The following ST13 variants were observed in gnomAD, a reference collection of about 807,000 sequenced individuals.
The protein encoded by ST13 is hsc70-interacting protein.
Under a neutral mutation model 56.7 loss-of-function variants are expected in ST13, and 23 were observed. That is an observed-to-expected ratio of 0.41 (90% CI 0.29 to 0.57). ST13 has a LOEUF of 0.57. Ranked by LOEUF, ST13 falls within the 20% of genes least tolerant of loss-of-function variation. ST13 has a pLI of 0.36. For missense variants in ST13, 369 were observed against 459.9 expected, an observed-to-expected ratio of 0.80 and a Z score of 1.81; for synonymous variants, 132 against 142.4, an observed-to-expected ratio of 0.93 and a Z score of 0.52.
rs772841997 is a variant in ST13, at chr22:40,856,508, G to C, written c.33C>G (p.Ala11=). The C allele has an allele frequency of 5.6e-6, 9 of 1,613,110 alleles. No homozygotes were observed. Among genetic ancestry groups the C allele is most frequent in the South Asian group, 4.4e-5 (4 of 91,048 alleles). The change falls in exon 1 of 12, where the codon GCC becomes GCG. Residue 11 remains alanine, a synonymous_variant. Coordinates refer to ENST00000216218, the MANE Select transcript of ST13 (RefSeq NM_003932.5). MDPRKVNELR[A]FVKMCKQDPS... is the part of the protein sequence containing the mutation. ...GATCCTGCTTACACATTTTCACAAA[G>C]GCCCGAAGCTCGTTCACTTTGCGGG...
chr22:40,828,034 T>C (rs186293621), intron 10 of ST13, among the ~76,000 whole-genome samples: 85 of 152,374 alleles, frequency 5.6e-4, no homozygotes, highest in African/African-American at 1.9e-3. Context: ...TCTTCTAGCA[T>C]AGATCTTCCT....
rs558823731 is a variant in ST13, at chr22:40,834,592, G to A, written c.578+968C>T. Among the ~76,000 whole-genome samples the A allele has an allele frequency of 3.0e-4, 45 of 151,890 alleles. 1 individual carries two copies. The highest frequency in any genetic ancestry group is 4.7e-4 in the Non-Finnish European group (32 of 68,014). On this transcript the variant is annotated intron_variant, in intron 7 of 11. Transcript: ENST00000216218. ...TTTTTTTCTAGCTGTTCATTGAAAC[G>A]ACAGTACATACCAGAAGCAATGAAC...
At chr22:40,844,111 G>A (rs2057819059) in intron 4 of ST13, among the ~76,000 whole-genome samples, 1 of 152,054 alleles carries the variant, frequency 6.6e-6, no homozygotes, top group African/African-American at 2.4e-5. Flanking sequence ...TCAAACTCCT[G>A]ACCTTAGATG....
chr22:40,833,385 C>T (rs376674443), intron 7 of ST13, among the ~76,000 whole-genome samples: 7 of 150,798 alleles, frequency 4.6e-5, no homozygotes, highest in African/African-American at 1.2e-4. Flanking sequence ...CTGGCTAACC[C>T]GGTGAAACCC....
chr22:40,832,288 G>C (rs1240129962), intron 8 of ST13: 1 of 498,712 alleles, frequency 2.0e-6, no homozygotes, highest in South Asian at 1.6e-5. Context: ...TTGTTTCCTT[G>C]TTGTAAACCT....
At chr22:40,856,392 CT>C (rs2057895993) in intron 1 of ST13, 38 bp downstream of exon 1, 1 of 1,555,080 alleles carries the variant, frequency 6.4e-7, no homozygotes, top group Admixed American at 1.7e-5. Flanking sequence ...TGGGGCCGTG[CT>C]TCCCCCGCCC....
Position 40,835,814 on chromosome 22 carries a change from G to A in ST13, c.456C>T (p.Ala152=). 1.9e-6 allele frequency: 3 copies of A among 1,613,762 alleles called. No homozygotes were observed. Among genetic ancestry groups the A allele is most frequent in the Non-Finnish European group, 2.5e-6 (3 of 1,179,858 alleles). Residue 152 remains alanine, a synonymous_variant, in exon 6 of 12, where the codon GCC becomes GCT. Coordinates refer to ENST00000216218, the MANE Select transcript of ST13 (RefSeq NM_003932.5). The part of the protein sequence containing the change: ...KLNPRLAILY[A]KRASVFVKLQ... ...TTTAGAGTTCTCACCTGGCCCTCTT[G>A]GCATACAAAATGGCCAAGCGAGGAT...
chr22:40,848,754 A>C (rs1184729858), intron 2 of ST13, among the ~76,000 whole-genome samples: 2 of 152,186 alleles, frequency 1.3e-5, no homozygotes, highest in Non-Finnish European at 2.9e-5. Flanking sequence ...AAAATAAAAA[A>C]ACAACTGTTC....
intron 3 of ST13, among the ~76,000 whole-genome samples, chr22:40,845,257 CTAT>C (rs2057825299): frequency 6.6e-6 from 1 of 152,084 alleles, no homozygotes; most frequent in Non-Finnish European, 1.5e-5. Context: ...CACTGATGTA[CTAT>C]GTTTTTCAAA....
chr22:40,847,114 A>G (rs1373419451), intron 3 of ST13, among the ~76,000 whole-genome samples: 1 of 152,248 alleles, frequency 6.6e-6, no homozygotes, highest in African/African-American at 2.4e-5. Context: ...AAATTTAGTC[A>G]ATTTGTGGCC....
In ST13 at chr22:40,850,897, A is replaced by G. The variant is rs770250625; in HGVS notation, c.111-17T>C. ...CCACCCATGCTTGAAGAAGATGAGA[A>G]AAAAGATATTTGTTTAGAAAATTAA... On this transcript the variant is annotated splice_polypyrimidine_tract_variant and intron_variant, in intron 1 of 11. Transcript: ENST00000216218. 6 of 1,576,716 alleles carry G rather than the reference A, an allele frequency of 3.8e-6. No individual in the cohort carries two copies. In the African/African-American group the frequency reaches 8.2e-5, roughly 22 times the overall value.
chr22:40,852,423 C>T (rs1169226907), intron 1 of ST13, among the ~76,000 whole-genome samples: 1 of 152,152 alleles, frequency 6.6e-6, no homozygotes, highest in Non-Finnish European at 1.5e-5. Context: ...GCATATGAAC[C>T]CTTTGTCAGC....
intron 1 of ST13, among the ~76,000 whole-genome samples, chr22:40,855,776 G>A (rs2057888819): frequency 6.6e-6 from 1 of 151,860 alleles, no homozygotes; most frequent in Non-Finnish European, 1.5e-5. Context: ...ACGTAGCGAA[G>A]TACTCTACAG....
chr22:40,853,008 G>A (rs1601475931), intron 1 of ST13, among the ~76,000 whole-genome samples: 2 of 152,120 alleles, frequency 1.3e-5, no homozygotes, highest in East Asian at 1.9e-4. Context: ...CCAATCCTAA[G>A]GGAAGGCCAG....
intron 5 of ST13, among the ~76,000 whole-genome samples, chr22:40,840,352 T>A (rs1477030351): frequency 2.0e-5 from 3 of 150,938 alleles, no homozygotes; most frequent in Non-Finnish European, 4.4e-5. Context: ...TTTTTTTTTT[T>A]AAAGCCTTTC....
chr22:40,838,681 G>T (rs937965192), intron 5 of ST13, among the ~76,000 whole-genome samples: 3 of 152,032 alleles, frequency 2.0e-5, no homozygotes, highest in Non-Finnish European at 4.4e-5. Flanking sequence ...GATTGCTTGA[G>T]CCTACAAAAC....
At chr22:40,840,595 A>T in intron 5 of ST13, 31 bp downstream of exon 5, 1 of 1,588,522 alleles carries the variant, frequency 6.3e-7, no homozygotes, top group Non-Finnish European at 8.6e-7. Flanking sequence ...TATTCTGACT[A>T]CCATAGAAAT....
At chr22:40,847,142 CAT>C (rs1454472868) in intron 3 of ST13, among the ~76,000 whole-genome samples, 3 of 152,192 alleles carry the variant, frequency 2.0e-5, no homozygotes, top group Non-Finnish European at 4.4e-5. Flanking sequence ...CAACCAAACT[CAT>C]AGCACAGATA....
chr22:40,833,520 G>A (rs900207076), intron 7 of ST13, among the ~76,000 whole-genome samples: 2 of 143,714 alleles, frequency 1.4e-5, no homozygotes, highest in African/African-American at 2.6e-5. Flanking sequence ...AGCCAAGATC[G>A]CGCCACTGCA....
Sources: gnomAD v4.1 joint callset for allele counts (sites outside exome capture counted in the v4.1 genomes callset) on GRCh38, gnomAD v4.1.1 for gene constraint, MANE v1.5 for transcripts, NCBI Gene and HGNC (gene_info 2026-07-23, HGNC 2026-07-21) for gene names.